Variants in TMEM51 observed in about 807,000 individuals in gnomAD.
TMEM51 encodes the protein chromosome 1 open reading frame 72.
A neutral mutation model predicts 13.6 loss-of-function variants in TMEM51; 8 were observed. That is an observed-to-expected ratio of 0.59 (90% confidence interval 0.35 to 1.07). The LOEUF (loss-of-function observed/expected upper bound fraction) is 1.07, where lower values mean the gene tolerates loss of function less well. Among genes scored for constraint, TMEM51 ranks in the 50% least tolerant of loss-of-function variants. The pLI is 0.02. For synonymous variants in TMEM51, 147 were observed against 144.4 expected (o/e 1.02, Z -0.13); for missense variants, 279 against 330.7 (o/e 0.84, Z 1.21).
intron 1 of TMEM51, chr1:15,168,359 G>C (rs1222131509): frequency 9.7e-7 from 1 of 1,029,836 alleles, no homozygotes; most frequent in Admixed American, 3.6e-5. Flanking sequence ...AGAAAGAAGG[G>C]GAATGGGGAA....
chr1:15,207,163 C>T lies in TMEM51; in HGVS notation c.-266-3327C>T, dbSNP rs1234131973. The stretch of plus-strand genomic sequence containing the variant: ...ATTATGCAGCTTGGCAGGAAGAGGT[C>T]GGTGCAGGGAGAATGCTCAAGGAGC... On this transcript the variant is annotated intron_variant, in intron 1 of 3. Coordinates refer to ENST00000376008, the MANE Select transcript of TMEM51 (RefSeq NM_001136218.2). The surrounding 1 kb of genome is among the most constrained non-coding windows in gnomAD (Gnocchi z 4.6). Among the ~76,000 whole-genome samples the T allele has an allele frequency of 6.6e-6, 1 of 152,154 alleles. No individual in the cohort carries two copies. Among genetic ancestry groups the T allele is most frequent in the Admixed American group, 6.5e-5 (1 of 15,272 alleles).
At chr1:15,189,213 CTTTTTTTTTTTT>C (rs59346950) in intron 1 of TMEM51, among the ~76,000 whole-genome samples, 1 of 92,830 alleles carries the variant, frequency 1.1e-5, no homozygotes, top group Non-Finnish European at 2.1e-5. Context: ...CTAATTTTTC[CTTTTTTTTTTTT>C]TTTTTTTTTT....
At chr1:15,196,990 G>A (rs1353765232) in intron 1 of TMEM51, among the ~76,000 whole-genome samples, 1 of 152,124 alleles carries the variant, frequency 6.6e-6, no homozygotes, top group African/African-American at 2.4e-5. Context: ...AGACACAGCG[G>A]GATCCAGGTT....
intron 1 of TMEM51, chr1:15,168,900 G>A: frequency 9.0e-7 from 1 of 1,109,564 alleles, no homozygotes; most frequent in African/African-American, 1.6e-5. Context: ...GAGTTGGAGT[G>A]GGGAGCAACT....
chr1:15,184,570 G>A (rs983003250), intron 1 of TMEM51, among the ~76,000 whole-genome samples: 3 of 152,276 alleles, frequency 2.0e-5, no homozygotes, highest in Admixed American at 2.0e-4. Context: ...TAGGGCCAGG[G>A]CAGCTGCAGA....
chr1:15,163,827 TG>T (rs201334078), intron 1 of TMEM51, among the ~76,000 whole-genome samples: 4,316 of 52,112 alleles, frequency 0.083, 169 homozygotes, highest in African/African-American at 0.21. Flanking sequence ...TGGCTTTTTT[TG>T]GGGGGGGGGA....
At chr1:15,212,111 C>G (rs572587940) in intron 2 of TMEM51, among the ~76,000 whole-genome samples, 1 of 152,212 alleles carries the variant, frequency 6.6e-6, no homozygotes, top group African/African-American at 2.4e-5. Context: ...AGCTTCTCAC[C>G]ACTATAAAGC....
chr1:15,197,249 C>A (rs1041324177), intron 1 of TMEM51, among the ~76,000 whole-genome samples: 5 of 152,154 alleles, frequency 3.3e-5, no homozygotes, highest in Non-Finnish European at 4.4e-5. Flanking sequence ...CAGGCCTGGG[C>A]ATGTGCCTGC....
chr1:15,192,347 A>T (rs1221420699), intron 1 of TMEM51: 17 of 380,464 alleles, frequency 4.5e-5, no homozygotes, highest in South Asian at 7.5e-5. Context: ...TACAACACCA[A>T]CCCTCTCCAG....
Position 15,219,561 on chromosome 1 carries a change from T to C in TMEM51, c.580T>C (p.Leu194=), listed in dbSNP as rs1644482826. 4.3e-6 allele frequency: 7 copies of C among 1,613,640 alleles called. No individual in the cohort carries two copies. Among genetic ancestry groups the C allele is most frequent in the Non-Finnish European group, 4.2e-6 (5 of 1,179,964 alleles). ...CCCCCCTGACAGGCAGAACTCTAAG[T>C]TGGCCAAACGACTGAAACCGCTGAA... ...GNPPDRQNSK[L]AKRLKPLKVR... Residue 194 remains leucine (L), a synonymous_variant, in exon 4 of 4, where the codon TTG becomes CTG. Transcript: ENST00000376008.
At position 15,179,572 on chromosome 1, in the gene TMEM51, C is replaced by T. The variant is rs564728151; in HGVS notation, c.-267+25618C>T. On this transcript the variant is annotated intron_variant, in intron 1 of 3. Transcript: ENST00000376008. ...CCGAGGTGGGAGGATCACTTGAGCC[C>T]AGGAGTGCAAGACCAGCCTGGGCAA... Among the ~76,000 whole-genome samples the T allele has an allele frequency of 1.8e-4, 27 of 152,236 alleles. 1 individual carries two copies. The South Asian group carries it at 5.2e-3, about 29-fold the overall frequency.
At chr1:15,204,279 T>C (rs1437402683) in intron 1 of TMEM51, among the ~76,000 whole-genome samples, 1 of 152,162 alleles carries the variant, frequency 6.6e-6, no homozygotes, top group East Asian at 1.9e-4. Context: ...CTAGGCTGGG[T>C]GAGGTGGCTC....
intron 2 of TMEM51, among the ~76,000 whole-genome samples, chr1:15,210,888 A>G (rs1644328707): frequency 6.6e-6 from 1 of 152,212 alleles, no homozygotes; most frequent in South Asian, 2.1e-4. Context: ...AGCTGACCAG[A>G]TGCCCCGCTG....
At position 15,214,274 on chromosome 1, in the gene TMEM51, T is replaced by C. The variant is rs541864369; in HGVS notation, c.-193-621T>C. 1.5e-4 allele frequency among the ~76,000 whole-genome samples: 23 copies of C among 152,130 alleles called. No homozygotes were observed. The East Asian group carries it at 4.4e-3, about 29-fold the overall frequency. On this transcript the variant is annotated intron_variant, in intron 2 of 3. Transcript: ENST00000376008. ...ATGAAAGGGGCATCTGAGCTATGGG[T>C]GACCAGAGAAATGTTCTGGAGGGTG... is the stretch of plus-strand genomic sequence containing the variant.
chr1:15,171,283 C>T (rs1262722506), intron 1 of TMEM51: 1 of 1,304,088 alleles, frequency 7.7e-7, no homozygotes, highest in South Asian at 1.2e-5. Context: ...CGGCATCCTT[C>T]CAGGTCAATG....
chr1:15,167,139 A>G (rs1451130524), intron 1 of TMEM51, among the ~76,000 whole-genome samples: 2 of 151,978 alleles, frequency 1.3e-5, no homozygotes, highest in Non-Finnish European at 2.9e-5. Context: ...CATCCTGGCT[A>G]ACATGGTTAA....
chr1:15,191,706 A>C (rs765298509), intron 1 of TMEM51: 83 of 311,610 alleles, frequency 2.7e-4, no homozygotes, highest in African/African-American at 6.6e-5. Context: ...TCCCAAATGC[A>C]AATATATTTT....
In TMEM51 at chr1:15,215,379, GC is replaced by G; in HGVS notation, c.295del (p.His99MetfsTer39). On this transcript the variant is annotated frameshift_variant, in exon 3 of 4. Coordinates refer to ENST00000376008, the MANE Select transcript of TMEM51 (RefSeq NM_001136218.2). LOFTEE classifies it high-confidence loss of function. ...KRKQRQGEDL[A>X]HVQHPTGAGP... The stretch of plus-strand genomic sequence containing the variant: ...GAAGCAGCGGCAGGGCGAGGACCTG[GC>G]CCATGTCCAGCACCCGACAGGCGCT... The G allele has an allele frequency of 6.2e-7, 1 of 1,609,776 alleles. No homozygotes were observed. Among genetic ancestry groups the G allele is most frequent in the Non-Finnish European group, 8.5e-7 (1 of 1,179,712 alleles).
chr1:15,181,955 G>A (rs1157002109), intron 1 of TMEM51, among the ~76,000 whole-genome samples: 3 of 152,190 alleles, frequency 2.0e-5, no homozygotes, highest in South Asian at 2.1e-4. Context: ...GAGGCCAGGA[G>A]TTCAAGACCA....
Sources: allele counts gnomAD v4.1 joint callset (sites outside exome capture counted in the v4.1 genomes callset), GRCh38; gene constraint gnomAD v4.1.1; non-coding constraint Gnocchi (gnomAD v3.1); transcripts MANE v1.5; gene names NCBI Gene and HGNC (gene_info 2026-07-23, HGNC 2026-07-21).